RANBP17: variants seen among roughly 807,000 people sequenced by gnomAD.
The protein encoded by RANBP17 is RAN binding protein 17, also known as ran-binding protein 17.
RANBP17 carries 158 observed loss-of-function variants against 141.2 expected under a neutral mutation model. The ratio of observed to expected loss-of-function variants is 1.12; its 90% CI spans 0.98 to 1.28. RANBP17 has a LOEUF of 1.28. Ranked by LOEUF, RANBP17 falls within the 50% of genes most tolerant of loss-of-function variation. The pLI, the probability that RANBP17 is intolerant of heterozygous loss-of-function variation, is 0.00. For missense variants in RANBP17, 1,438 were observed against 1,290.7 expected, an observed-to-expected ratio of 1.11 and a Z score of -1.75; for synonymous variants, 430 against 450.0, an observed-to-expected ratio of 0.96 and a Z score of 0.56.
chr5:171,136,576 G>T (rs1757302539), intron 14 of RANBP17, among the ~76,000 whole-genome samples: 1 of 152,070 alleles, frequency 6.6e-6, no homozygotes, highest in African/African-American at 2.4e-5. Flanking sequence ...AATGAATCTT[G>T]TGTCTTTTCA....
At chr5:170,880,724 A>G (rs1216503025) in intron 2 of RANBP17, among the ~76,000 whole-genome samples, 2 of 152,226 alleles carry the variant, frequency 1.3e-5, no homozygotes, top group African/African-American at 2.4e-5. Flanking sequence ...TTGTTTTGCT[A>G]TGTAATCAAT....
chr5:171,106,702 C>T (rs1408271402), intron 14 of RANBP17, among the ~76,000 whole-genome samples: 1 of 152,084 alleles, frequency 6.6e-6, no homozygotes, highest in African/African-American at 2.4e-5. Context: ...GTTCTCAATA[C>T]TGGTTTTACA....
chr5:170,886,527 T>G (rs927826519), intron 3 of RANBP17, among the ~76,000 whole-genome samples: 1 of 152,152 alleles, frequency 6.6e-6, no homozygotes, highest in South Asian at 2.1e-4. Context: ...TTTGATAAAT[T>G]TTAACTTTTT....
chr5:171,242,828 T>G lies in RANBP17; in HGVS notation c.2776+8T>G, dbSNP rs761719653. ...AGGGACTCACTACTCTTGGTAAGGA[T>G]CATAGAGGACATTGTTTCCATAGGA... On this transcript the variant is annotated splice_region_variant and intron_variant, in intron 24 of 27. Transcript: ENST00000523189. The G allele has an allele frequency of 6.2e-7, 1 of 1,612,896 alleles. No individual in the cohort carries two copies.
At chr5:171,214,147 A>G (rs1289274865) in intron 21 of RANBP17, among the ~76,000 whole-genome samples, 2 of 152,200 alleles carry the variant, frequency 1.3e-5, no homozygotes, top group South Asian at 4.1e-4. Context: ...TGGTTCTCAC[A>G]GCAATTCAAT....
chr5:171,209,828 T>A (rs897131094), intron 20 of RANBP17, among the ~76,000 whole-genome samples: 8 of 152,204 alleles, frequency 5.3e-5, no homozygotes, highest in African/African-American at 1.9e-4. Flanking sequence ...GGAGTACCTT[T>A]AAGCTCTGAA....
At chr5:171,298,010 C>T (rs994921282) in intron 27 of RANBP17, among the ~76,000 whole-genome samples, 2 of 151,840 alleles carry the variant, frequency 1.3e-5, no homozygotes, top group African/African-American at 4.8e-5. Context: ...GTGCCCACCA[C>T]CACACCTGGC....
chr5:171,212,965 G>T (rs978349303), intron 20 of RANBP17, among the ~76,000 whole-genome samples: 4 of 152,146 alleles, frequency 2.6e-5, no homozygotes, highest in African/African-American at 9.7e-5. Flanking sequence ...GTTAGAGAAT[G>T]TCTCCTTGTG....
In RANBP17 at chr5:170,916,686, A is replaced by AG. The variant is rs796382030; in HGVS notation, c.954+102_954+103insG. On this transcript the variant is annotated intron_variant, in intron 9 of 27. Transcript: ENST00000523189. Reference sequence around the variant, plus strand: ...GAATTTATTATGATTCTGGAAGAAAACATTTAGTATCATATATATCTTCCT... The same window carrying AG: ...GAATTTATTATGATTCTGGAAGAAAAGCATTTAGTATCATATATATCTTCCT... 4.9e-5 allele frequency: 39 copies of AG among 804,014 alleles called. No homozygotes were observed. The African/African-American group carries it at 6.4e-4, about 13-fold the overall frequency. 49.8% of individuals were successfully genotyped at this position (804,014 alleles called of 1,614,324 possible).
At chr5:171,047,575 G>A (rs533484301) in intron 14 of RANBP17, among the ~76,000 whole-genome samples, 36 of 151,382 alleles carry the variant, frequency 2.4e-4, no homozygotes, top group Admixed American at 1.5e-3. Context: ...TGAGTAGCTG[G>A]GATTACAGGC....
intron 26 of RANBP17, among the ~76,000 whole-genome samples, chr5:171,295,579 G>A (rs1362121515): frequency 6.6e-6 from 1 of 152,128 alleles, no homozygotes; most frequent in Non-Finnish European, 1.5e-5. Context: ...GGTTAGTAGA[G>A]ATGAGAGTCA....
At chr5:170,913,131 A>G in intron 7 of RANBP17, among the ~76,000 whole-genome samples, 1 of 152,146 alleles carries the variant, frequency 6.6e-6, no homozygotes, top group East Asian at 1.9e-4. Flanking sequence ...TAGAATAAAG[A>G]CATTTTCAGA....
chr5:171,213,557 G>GTA, intron 20 of RANBP17, 74 bp from the exon 21 acceptor site: 2 of 962,832 alleles, frequency 2.1e-6, no homozygotes, highest in Non-Finnish European at 3.4e-6. Context: ...TTGTGTGTGT[G>GTA]TATGTGTGTG....
intron 14 of RANBP17, among the ~76,000 whole-genome samples, chr5:171,043,387 T>C (rs970505090): frequency 1.2e-4 from 18 of 152,048 alleles, no homozygotes; most frequent in African/African-American, 4.1e-4. Flanking sequence ...GATGTTCCAA[T>C]GGTTCAGTTC....
intron 14 of RANBP17, among the ~76,000 whole-genome samples, chr5:171,141,433 A>T (rs929576297): frequency 1.8e-5 from 2 of 112,752 alleles, no homozygotes; most frequent in Non-Finnish European, 3.6e-5. Context: ...CATCTCTACT[A>T]AAAAAAAAAA....
At chr5:171,252,062 T>C in intron 24 of RANBP17, 2 of 1,602,916 alleles carry the variant, frequency 1.2e-6, no homozygotes, top group Non-Finnish European at 8.5e-7. Flanking sequence ...CTTACATGCT[T>C]AGCAGATCTC....
chr5:171,077,341 A>G (rs1784995955), intron 14 of RANBP17, among the ~76,000 whole-genome samples: 1 of 150,064 alleles, frequency 6.7e-6, no homozygotes, highest in Admixed American at 6.7e-5. Flanking sequence ...CTCCATCTCA[A>G]AAAAAAAAAG....
intron 14 of RANBP17, among the ~76,000 whole-genome samples, chr5:171,145,754 C>T (rs1464993730): frequency 6.6e-6 from 1 of 152,068 alleles, no homozygotes; most frequent in African/African-American, 2.4e-5. Flanking sequence ...TCCTGGAAGC[C>T]GCATAATGGG....
chr5:170,968,214 GT>G (rs762211654), intron 13 of RANBP17, 27 bp from the exon 14 acceptor site: 1,895 of 1,340,276 alleles, frequency 1.4e-3, no homozygotes, highest in South Asian at 2.8e-3. Flanking sequence ...TGTACTGAAG[GT>G]TTTTTTTTTA....
Sources: gnomAD v4.1 joint callset for allele counts (sites outside exome capture counted in the v4.1 genomes callset) on GRCh38, gnomAD v4.1.1 for gene constraint, MANE v1.5 for transcripts, NCBI Gene and HGNC (gene_info 2026-07-23, HGNC 2026-07-21) for gene names.